The following CASKIN2 variants were observed in gnomAD, a reference collection of about 807,000 sequenced individuals.
CASKIN2 encodes the protein CASK interacting protein 2.
CASKIN2 carries 41 observed loss-of-function variants against 107.1 expected under a neutral mutation model. That is an observed-to-expected ratio of 0.38 (90% CI 0.30 to 0.50). The LOEUF (loss-of-function observed/expected upper bound fraction) is 0.50. Ranked by LOEUF, CASKIN2 falls within the 20% of genes least tolerant of loss-of-function variation. The probability of loss-of-function intolerance (pLI) is 0.92; values close to 1 mark genes in which losing one functional copy is unlikely to be tolerated. For missense variants in CASKIN2, 1,546 were observed against 1,657.4 expected, an observed-to-expected ratio of 0.93 and a Z score of 1.17; for synonymous variants, 724 against 705.6, an observed-to-expected ratio of 1.03 and a Z score of -0.41.
At chr17:75,504,525 G>A in intron 12 of CASKIN2, 45 bp from the exon 13 acceptor site, 1 of 1,595,918 alleles carries the variant, frequency 6.3e-7, no homozygotes, top group South Asian at 1.1e-5. Flanking sequence ...TGGGGAACTG[G>A]CAGTGGGGAG....
rs551338821 is a variant in CASKIN2, at chr17:75,504,016, C to G, written c.1468-54G>C. On this transcript the variant is annotated intron_variant, in intron 14 of 19. Transcript: ENST00000321617. ...AGCAGGAGCTGGACCAAGGCCCTAG[C>G]CCCCACCAGGGGCTCAGGACCTGCC... 6 of 1,509,570 alleles carry G rather than the reference C, an allele frequency of 4.0e-6. No individual in the cohort carries two copies. In the East Asian group the frequency reaches 7.1e-5, roughly 18 times the overall value. 93.5% of individuals were successfully genotyped at this position (1,509,570 alleles called of 1,614,324 possible). A position where few individuals can be genotyped will look rare whatever the true frequency, so the allele number is the denominator to read the frequency against.
At position 75,507,631 on chromosome 17, in the gene CASKIN2, G is replaced by T; in HGVS notation, c.197C>A (p.Ala66Asp). Residue 66 changes from alanine to aspartate, a missense_variant, in exon 4 of 20, where the codon GCC (alanine) becomes GAC (aspartate). By Grantham distance (126) the Ala-to-Asp change is moderately radical. Transcript: ENST00000321617. Reference protein sequence around the residue: ...AALGGSLELIALLLEAQATVD... With the variant: ...AALGGSLELIDLLLEAQATVD... ...AGTGGCCTGAGCCTCTAGCAGCAAG[G>T]CTATGAGCTCCAGGCTGCCCCCCAA... The T allele has an allele frequency of 1.2e-6, 2 of 1,613,332 alleles. No homozygotes were observed. Among genetic ancestry groups the T allele is most frequent in the Non-Finnish European group, 8.5e-7 (1 of 1,179,714 alleles).
At chr17:75,509,187 C>G (rs1337144419) in intron 2 of CASKIN2, among the ~76,000 whole-genome samples, 1 of 152,238 alleles carries the variant, frequency 6.6e-6, no homozygotes, top group African/African-American at 2.4e-5. Flanking sequence ...CAGGTGTGCT[C>G]CCTGCGAGAG....
Position 75,513,853 on chromosome 17 carries a change from G to A in CASKIN2, c.-49C>T. ...CACTCAGGAGTCCAGGGCAAAGGCA[G>A]GCAACGGGTCCAAGCTGGGGCGTCA... On this transcript the variant is annotated 5_prime_UTR_variant, in exon 2 of 20. Coordinates refer to ENST00000321617, the MANE Select transcript of CASKIN2 (RefSeq NM_020753.5). 6.4e-7 allele frequency: 1 copy of A among 1,569,098 alleles called. No homozygotes were observed. Among genetic ancestry groups the A allele is most frequent in the Non-Finnish European group, 8.7e-7 (1 of 1,143,240 alleles).
chr17:75,509,468 G>A (rs1337438018), intron 2 of CASKIN2: 10 of 592,858 alleles, frequency 1.7e-5, no homozygotes, highest in African/African-American at 2.0e-5. Context: ...GCACAGGGAG[G>A]GAGGGGACAG....
chr17:75,501,458 C>T lies in CASKIN2; in HGVS notation c.3518+10G>A, dbSNP rs1193875129. 1 of 1,599,652 alleles carries T rather than the reference C, an allele frequency of 6.3e-7. No individual in the cohort carries two copies. ...CAGCCTTCTCTCCCTCCCCATCCGGCCCCCCTCACCCCTCTTGCTCCTTGG... is the reference window on the plus strand; with the variant it reads ...CAGCCTTCTCTCCCTCCCCATCCGGTCCCCCTCACCCCTCTTGCTCCTTGG... On this transcript the variant is annotated intron_variant, in intron 19 of 19. Coordinates refer to ENST00000321617, the MANE Select transcript of CASKIN2 (RefSeq NM_020753.5).
In CASKIN2 at chr17:75,502,326, G is replaced by A. The variant is rs1215785512; in HGVS notation, c.2748C>T (p.Pro916=). The A allele has an allele frequency of 6.8e-7, 1 of 1,480,800 alleles. No homozygotes were observed. The highest frequency in any genetic ancestry group is 2.5e-5 in the Admixed American group (1 of 39,544). The allele number at this position is 1,480,800 out of a possible 1,614,324, so 91.7% of individuals were successfully genotyped here. A position where few individuals can be genotyped will look rare whatever the true frequency, so the allele number is the denominator to read the frequency against. ...TLSEPAGPSE[P]PGPPAPAGPA... ...GCCCAGCCGGGGCAGGTGGGCCAGG[G>A]GGCTCTGAGGGGCCAGCAGGTTCAC... is the stretch of plus-strand genomic sequence containing the variant. The change falls in exon 18 of 20, where the codon CCC becomes CCT. Residue 916 remains proline, a synonymous_variant. Coordinates refer to ENST00000321617, the MANE Select transcript of CASKIN2 (RefSeq NM_020753.5). The surrounding 1 kb of genome is among the most constrained non-coding windows in gnomAD (Gnocchi z 4.3).
intron 3 of CASKIN2, among the ~76,000 whole-genome samples, chr17:75,508,008 G>A (rs1390009168): frequency 2.0e-5 from 3 of 152,130 alleles, no homozygotes; most frequent in Non-Finnish European, 4.4e-5. Context: ...CCTGCGGAGA[G>A]GCACCAGGGC....
In CASKIN2 at chr17:75,505,802, T is replaced by A; in HGVS notation, c.835+19A>T. On this transcript the variant is annotated intron_variant, in intron 9 of 19. Coordinates refer to ENST00000321617, the MANE Select transcript of CASKIN2 (RefSeq NM_020753.5). This position sits in a 1 kb window ranked among gnomAD's most constrained non-coding sequence, Gnocchi z 5.1. ...GCGGCCCCAGGCCCCCTGGGCAGGG[T>A]ATCCTCCCCCGCACTCACCCCGCAG... The A allele has an allele frequency of 4.4e-6, 7 of 1,604,390 alleles. No homozygotes were observed. The highest frequency in any genetic ancestry group is 5.1e-6 in the Non-Finnish European group (6 of 1,174,302).
At position 75,513,968 on chromosome 17, in the gene CASKIN2, G is replaced by A. The variant is rs1208698966; in HGVS notation, c.-164C>T. 8 of 624,018 alleles carry A rather than the reference G, an allele frequency of 1.3e-5. No individual in the cohort carries two copies. Among genetic ancestry groups the A allele is most frequent in the African/African-American group, 3.6e-5 (2 of 54,830 alleles). 38.7% of individuals were successfully genotyped at this position (624,018 alleles called of 1,614,324 possible). On this transcript the variant is annotated 5_prime_UTR_variant, in exon 2 of 20. Transcript: ENST00000321617. The stretch of plus-strand genomic sequence containing the variant: ...CAGTGGGCTCCTCGTCAGGTACTGA[G>A]GGATACTCCCAAAGGTGCTCCGTGA...
At chr17:75,501,436 C>T (rs1408643001) in intron 19 of CASKIN2, 32 bp downstream of exon 19, 3 of 1,582,758 alleles carry the variant, frequency 1.9e-6, no homozygotes, top group East Asian at 2.3e-5. Context: ...TTCTCTGCAG[C>T]CTTCTCTCCC....
At chr17:75,510,797 G>A (rs533293581) in intron 2 of CASKIN2, among the ~76,000 whole-genome samples, 2 of 151,764 alleles carry the variant, frequency 1.3e-5, no homozygotes, top group African/African-American at 4.8e-5. Context: ...TTACTATGTT[G>A]CCCAGGCCAG....
rs954909838 is a variant in CASKIN2, at chr17:75,507,698, C to CA, written c.147-18dup. The CA allele has an allele frequency of 5.6e-6, 9 of 1,597,816 alleles. No homozygotes were observed. The African/African-American group carries it at 1.1e-4, about 19-fold the overall frequency. Reference sequence around the variant, plus strand: ...GCAGAGAATCTGATGTGGGAGGACACAAAGTTAGGGGTGTTGGTGGGCAGC... The same window carrying CA: ...GCAGAGAATCTGATGTGGGAGGACACAAAAGTTAGGGGTGTTGGTGGGCAGC... On this transcript the variant is annotated splice_polypyrimidine_tract_variant and intron_variant, in intron 3 of 19. Coordinates refer to ENST00000321617, the MANE Select transcript of CASKIN2 (RefSeq NM_020753.5).
Position 75,506,543 on chromosome 17 carries a change from G to T in CASKIN2, c.617+40C>A, listed in dbSNP as rs775394218. On this transcript the variant is annotated intron_variant, in intron 7 of 19. Transcript: ENST00000321617. The surrounding 1 kb of genome is among the most constrained non-coding windows in gnomAD (Gnocchi z 4.8). ...AGCACTGAGGGGCACCGATGGTCCC[G>T]CAGGCAGGTGATGAGGAAGCGAGGG... is the stretch of plus-strand genomic sequence containing the variant. The T allele has an allele frequency of 1.9e-6, 3 of 1,607,462 alleles. No individual in the cohort carries two copies. Among genetic ancestry groups the T allele is most frequent in the South Asian group, 2.2e-5 (2 of 90,650 alleles).
intron 2 of CASKIN2, among the ~76,000 whole-genome samples, chr17:75,512,785 A>C (rs1167209253): frequency 6.6e-6 from 1 of 151,830 alleles, no homozygotes; most frequent in Non-Finnish European, 1.5e-5. Context: ...CTGTAATCCC[A>C]GCTACTCGGG....
intron 2 of CASKIN2, among the ~76,000 whole-genome samples, chr17:75,510,372 T>C (rs1183572163): frequency 6.6e-6 from 1 of 152,112 alleles, no homozygotes; most frequent in Non-Finnish European, 1.5e-5. Context: ...TGGATAGCTA[T>C]AAAGCGCCAG....
At position 75,502,843 on chromosome 17, in the gene CASKIN2, G is replaced by T. The variant is rs200541289; in HGVS notation, c.2231C>A (p.Ser744Tyr). The change falls in exon 18 of 20, where the codon TCT becomes TAT. Residue 744 changes from serine to tyrosine, a missense_variant. By Grantham distance (144) the Ser-to-Tyr change is moderately radical. Coordinates refer to ENST00000321617, the MANE Select transcript of CASKIN2 (RefSeq NM_020753.5). The surrounding 1 kb of genome is among the most constrained non-coding windows in gnomAD (Gnocchi z 4.3). ...TGGGGGTCCTTGGCCAGGAAGTGAA[G>T]AACAAAGCTTAGGGGGCCGCTCTGT... ...EGTERPPKLC[S>Y]SLPGQGPPPY... The T allele has an allele frequency of 6.6e-4, 1,025 of 1,551,246 alleles. 6 individuals carry two copies. The African/African-American group carries it at 0.012, about 19-fold the overall frequency.
intron 2 of CASKIN2, among the ~76,000 whole-genome samples, chr17:75,508,706 G>C (rs896888401): frequency 6.6e-6 from 1 of 152,180 alleles, no homozygotes. Flanking sequence ...TCAAGGGCAG[G>C]CCACGATGCC....
chr17:75,503,491 G>A lies in CASKIN2; in HGVS notation c.1717C>T (p.Pro573Ser), dbSNP rs750113449. Residue 573 changes from proline (P) to serine (S), a missense_variant, in exon 17 of 20, where the codon CCA becomes TCA. By Grantham distance (74) the Pro-to-Ser change is moderately conservative. Around this residue, in one of 6 missense-constraint regions of CASKIN2, gnomAD observed 1,311 missense variants for 1,311.0 expected, o/e 1.00. Transcript: ENST00000321617. ...CTCACCAGCTGCTTGTGGTACTGTG[G>A]CAGCCCCAGTGCACACAGCCACTCC... ...LLEWLCALGL[P>S]QYHKQLVSSG... 1.9e-6 allele frequency: 3 copies of A among 1,611,980 alleles called. No homozygotes were observed. The highest frequency in any genetic ancestry group is 1.1e-5 in the South Asian group (1 of 91,092).
Sources: allele counts gnomAD v4.1 joint callset (sites outside exome capture counted in the v4.1 genomes callset), GRCh38; gene constraint gnomAD v4.1.1; regional missense constraint gnomAD v4.1.1; non-coding constraint Gnocchi (gnomAD v3.1); transcripts MANE v1.5; gene names NCBI Gene and HGNC (gene_info 2026-07-23, HGNC 2026-07-21).